The following LCP2 variants were observed in gnomAD, a reference collection of about 807,000 sequenced individuals.
LCP2 encodes the protein lymphocyte cytosolic protein 2.
Under a neutral mutation model 74.5 loss-of-function variants are expected in LCP2, and 29 were observed. That is an observed-to-expected ratio of 0.39 (90% CI 0.29 to 0.53). The LOEUF is 0.53. Ranked by LOEUF, LCP2 falls within the 20% of genes least tolerant of loss-of-function variation. LCP2 has a pLI of 0.72. For synonymous variants in LCP2, 228 were observed against 229.5 expected (o/e 0.99, Z 0.06); for missense variants, 604 against 634.6 (o/e 0.95, Z 0.52).
intron 6 of LCP2, among the ~76,000 whole-genome samples, chr5:170,272,681 C>T (rs964550691): frequency 8.2e-6 from 1 of 121,540 alleles, no homozygotes; most frequent in African/African-American, 3.1e-5. Flanking sequence ...GGTGCAATCT[C>T]GGCTTACTGC....
intron 3 of LCP2, among the ~76,000 whole-genome samples, chr5:170,286,997 A>G (rs1271014499): frequency 6.6e-6 from 1 of 152,278 alleles, no homozygotes; most frequent in African/African-American, 2.4e-5. Flanking sequence ...ATGTTTAAAA[A>G]TGGAGATATA....
intron 17 of LCP2, among the ~76,000 whole-genome samples, chr5:170,254,221 G>A (rs1761508604): frequency 6.6e-6 from 1 of 152,162 alleles, no homozygotes; most frequent in Admixed American, 6.5e-5. Context: ...CAGTGGCAAA[G>A]CCAAAACTTA....
At chr5:170,259,271 T>C (rs1761613454) in intron 14 of LCP2, among the ~76,000 whole-genome samples, 2 of 152,244 alleles carry the variant, frequency 1.3e-5, no homozygotes, top group African/African-American at 4.8e-5. Flanking sequence ...AAAAGCATGA[T>C]GCTGAGGAAG....
chr5:170,253,840 C>A (rs564149467), intron 17 of LCP2, among the ~76,000 whole-genome samples: 2 of 152,146 alleles, frequency 1.3e-5, no homozygotes, highest in Admixed American at 6.5e-5. Flanking sequence ...TATTAATTAC[C>A]CAGTGCTTGT....
chr5:170,288,400 C>G (rs563367955), intron 2 of LCP2, among the ~76,000 whole-genome samples: 4 of 152,212 alleles, frequency 2.6e-5, no homozygotes, highest in Non-Finnish European at 5.9e-5. Flanking sequence ...AGACCTCAGG[C>G]CCTCTCAGTC....
At chr5:170,295,813 C>G (rs1004094608) in intron 1 of LCP2, among the ~76,000 whole-genome samples, 1 of 152,272 alleles carries the variant, frequency 6.6e-6, no homozygotes. Flanking sequence ...AGTTTCTTCC[C>G]TCAGTCCATT....
Position 170,262,696 on chromosome 5 carries a change from G to C in LCP2, c.865C>G (p.Pro289Ala). Residue 289 changes from proline (P) to alanine (A), a missense_variant, in exon 13 of 21, where the codon CCG becomes GCG. Coordinates refer to ENST00000046794, the MANE Select transcript of LCP2 (RefSeq NM_005565.5). ...LPKIQKPPLPPTTERHERSSP... is the reference protein window; with the variant it reads ...LPKIQKPPLPATTERHERSSP... ...CTCCTTTCATGTCTTTCCGTGGTCGGTGGTAAAGGAGGCTTTTGAATCTTG... is the reference window on the plus strand; with the variant it reads ...CTCCTTTCATGTCTTTCCGTGGTCGCTGGTAAAGGAGGCTTTTGAATCTTG... The C allele has an allele frequency of 6.2e-7, 1 of 1,614,030 alleles. No homozygotes were observed. The highest frequency in any genetic ancestry group is 8.5e-7 in the Non-Finnish European group (1 of 1,179,882).
chr5:170,292,627 C>T (rs1412999557), intron 2 of LCP2, among the ~76,000 whole-genome samples: 1 of 152,158 alleles, frequency 6.6e-6, no homozygotes, highest in Non-Finnish European at 1.5e-5. Context: ...AAGAGTAAAG[C>T]AAAGTTCCCA....
intron 13 of LCP2, among the ~76,000 whole-genome samples, chr5:170,261,771 C>T (rs936305919): frequency 2.6e-5 from 4 of 152,150 alleles, no homozygotes; most frequent in Admixed American, 1.3e-4. Context: ...CTGCCTGGGC[C>T]GTATAATGTC....
At chr5:170,289,629 C>G (rs1274296236) in intron 2 of LCP2, among the ~76,000 whole-genome samples, 1 of 101,210 alleles carries the variant, frequency 9.9e-6, no homozygotes, top group Non-Finnish European at 2.0e-5. Flanking sequence ...TTCTTTCTTT[C>G]TTTCTTTCTT....
Position 170,247,881 on chromosome 5 carries a change from T to C in LCP2, c.*816A>G, listed in dbSNP as rs534810453. On this transcript the variant is annotated 3_prime_UTR_variant, in exon 21 of 21. Coordinates refer to ENST00000046794, the MANE Select transcript of LCP2 (RefSeq NM_005565.5). The stretch of plus-strand genomic sequence containing the variant: ...GGAGAAGGTTGGTGGGGGGCTGTGA[T>C]GGTTGGTGTGGGTGTGGAGATGTGA... 6.6e-6 allele frequency: 1 copy of C among 152,460 alleles called. No individual in the cohort carries two copies. Among genetic ancestry groups the C allele is most frequent in the South Asian group, 2.1e-4 (1 of 4,828 alleles). 9.4% of individuals were successfully genotyped at this position (152,460 alleles called of 1,614,324 possible).
At position 170,253,169 on chromosome 5, in the gene LCP2, G is replaced by GGAA; in HGVS notation, c.1192_1194dup (p.Phe398dup). ...CGAGGTTTGTTTGGAAGTGGCAAGG[G>GGAA]GAAGTTTCTGCCTTCGGCTCTGATA... On this transcript the variant is annotated inframe_insertion, in exon 18 of 21. Transcript: ENST00000046794. 4 of 1,612,072 alleles carry GGAA rather than the reference G, an allele frequency of 2.5e-6. No homozygotes were observed. Among genetic ancestry groups the GGAA allele is most frequent in the Non-Finnish European group, 3.4e-6 (4 of 1,179,090 alleles).
At chr5:170,285,610 C>T (rs1282047496) in intron 3 of LCP2, among the ~76,000 whole-genome samples, 1 of 152,194 alleles carries the variant, frequency 6.6e-6, no homozygotes, top group African/African-American at 2.4e-5. Context: ...TTATTCCCCA[C>T]CACTAAGGCA....
chr5:170,294,918 C>T (rs1302739627), intron 1 of LCP2, among the ~76,000 whole-genome samples: 1 of 152,228 alleles, frequency 6.6e-6, no homozygotes, highest in Non-Finnish European at 1.5e-5. Flanking sequence ...TCTGCTCCAG[C>T]AAGATCTAGG....
At chr5:170,284,251 C>G (rs1160936081) in intron 3 of LCP2, among the ~76,000 whole-genome samples, 1 of 152,222 alleles carries the variant, frequency 6.6e-6, no homozygotes, top group African/African-American at 2.4e-5. Context: ...GTACACATCC[C>G]TTTCCACTTG....
intron 3 of LCP2, among the ~76,000 whole-genome samples, chr5:170,283,020 C>A (rs1762129820): frequency 6.6e-6 from 1 of 152,236 alleles, no homozygotes; most frequent in Non-Finnish European, 1.5e-5. Context: ...GGAAGTAGAG[C>A]TGGAATTGGT....
At chr5:170,280,252 C>G (rs989371565) in intron 3 of LCP2, among the ~76,000 whole-genome samples, 1 of 151,918 alleles carries the variant, frequency 6.6e-6, no homozygotes, top group Non-Finnish European at 1.5e-5. Context: ...GGACAAGGCT[C>G]CCGGCTCCTG....
At chr5:170,291,128 G>C (rs1762287842) in intron 2 of LCP2, among the ~76,000 whole-genome samples, 3 of 118,826 alleles carry the variant, frequency 2.5e-5, no homozygotes. Context: ...GGGAAGGGGA[G>C]AGGGGAGGAC....
Position 170,262,650 on chromosome 5 carries a change from T to C in LCP2, c.911A>G (p.Lys304Arg). The C allele has an allele frequency of 6.2e-7, 1 of 1,613,312 alleles. No homozygotes were observed. The highest frequency in any genetic ancestry group is 1.7e-4 in the Middle Eastern group (1 of 6,052). Reference sequence around the variant, plus strand: ...AGACAATTACTTTGGCACAGGTGGCTTCTTCCCTGGCAGGGGGCTGCTCCT... The same window carrying C: ...AGACAATTACTTTGGCACAGGTGGCCTCTTCCCTGGCAGGGGGCTGCTCCT... ...HERSSPLPGK[K>R]PPVPKHGWGP... Residue 304 changes from lysine to arginine, a missense_variant, in exon 13 of 21, where the codon AAG (lysine) becomes AGG (arginine). Coordinates refer to ENST00000046794, the MANE Select transcript of LCP2 (RefSeq NM_005565.5).
Sources: gnomAD v4.1 joint callset for allele counts (sites outside exome capture counted in the v4.1 genomes callset) on GRCh38, gnomAD v4.1.1 for gene constraint, MANE v1.5 for transcripts, NCBI Gene and HGNC (gene_info 2026-07-23, HGNC 2026-07-21) for gene names.